The following LAMC2 variants were observed in gnomAD, a reference collection of about 807,000 sequenced individuals.
LAMC2 encodes laminin subunit gamma-2.
Under a neutral mutation model 140.2 loss-of-function variants are expected in LAMC2, and 97 were observed. The observed-to-expected ratio is 0.69, with a 90% CI of 0.59 to 0.82. The LOEUF is 0.82. LAMC2 is among the 40% of genes least tolerant of loss of function. The pLI is 0.00. For missense variants in LAMC2, 1,402 were observed against 1,476.1 expected (o/e 0.95, Z 0.82); for synonymous variants, 513 against 540.2 (o/e 0.95, Z 0.70).
At chr1:183,189,475 T>G (rs1256664865) in intron 1 of LAMC2, among the ~76,000 whole-genome samples, 2 of 152,128 alleles carry the variant, frequency 1.3e-5, no homozygotes, top group Non-Finnish European at 2.9e-5. Flanking sequence ...GAGGCTACAG[T>G]GAGCTGAGAT....
intron 20 of LAMC2, 76 bp downstream of exon 20, chr1:183,239,639 G>A (rs554211394): frequency 7.5e-7 from 1 of 1,328,204 alleles, no homozygotes; most frequent in African/African-American, 1.5e-5. Flanking sequence ...AAAGAACATT[G>A]AGCTTATTTT....
At chr1:183,247,183 G>A (rs1467862406), downstream of LAMC2, among the ~76,000 whole-genome samples, 4 of 152,004 alleles carry the variant, frequency 2.6e-5, no homozygotes, top group African/African-American at 7.3e-5. Context: ...ATGGTGGCAG[G>A]CGCCTGTAAT....
chr1:183,256,381 C>T, the LAMC2 span, among the ~76,000 whole-genome samples: 2 of 151,884 alleles, frequency 1.3e-5, no homozygotes, highest in Admixed American at 6.6e-5. Context: ...TGCACTCCAG[C>T]CTGGGTGACA....
chr1:183,197,494 G>A (rs923489058), intron 1 of LAMC2, among the ~76,000 whole-genome samples: 2 of 152,102 alleles, frequency 1.3e-5, no homozygotes, highest in African/African-American at 4.8e-5. Context: ...GGCAAACAAG[G>A]TGAAACCCTG....
intron 1 of LAMC2, among the ~76,000 whole-genome samples, chr1:183,206,441 T>G (rs1658886631): frequency 6.6e-6 from 1 of 152,094 alleles, no homozygotes; most frequent in African/African-American, 2.4e-5. Flanking sequence ...GTCAGGAGTT[T>G]GAGACCAGCC....
intron 20 of LAMC2, chr1:183,239,820 T>C: frequency 1.5e-6 from 1 of 655,090 alleles, no homozygotes; most frequent in African/African-American, 1.8e-5. Context: ...AGAGAAGCAC[T>C]GTCTGGCCGC....
At chr1:183,207,782 G>A in intron 1 of LAMC2, 99 bp from the exon 2 acceptor site, 1 of 1,031,310 alleles carries the variant, frequency 9.7e-7, no homozygotes, top group South Asian at 1.3e-5. Context: ...TAGTACTCAT[G>A]CATAATTTCT....
At chr1:183,214,999 T>C (rs968055043) in intron 2 of LAMC2, among the ~76,000 whole-genome samples, 4 of 152,178 alleles carry the variant, frequency 2.6e-5, no homozygotes, top group Non-Finnish European at 5.9e-5. Flanking sequence ...TTAATAGCCC[T>C]TTTTATGCTC....
At position 183,243,116 on chromosome 1, in the gene LAMC2, A is replaced by G. The variant is rs777989846; in HGVS notation, c.3329-31A>G. 67 of 1,613,408 alleles carry G rather than the reference A, an allele frequency of 4.2e-5. No individual in the cohort carries two copies. The Admixed American group carries it at 6.3e-4, about 15-fold the overall frequency. ...AAGGAGATCTAACTACAGCTTTTCTATGTTAACTTGTGTCTCATTCCTTGA... is the reference window on the plus strand; with the variant it reads ...AAGGAGATCTAACTACAGCTTTTCTGTGTTAACTTGTGTCTCATTCCTTGA... On this transcript the variant is annotated intron_variant, in intron 22 of 22. Coordinates refer to ENST00000264144, the MANE Select transcript of LAMC2 (RefSeq NM_005562.3).
At chr1:183,238,193 C>A in intron 18 of LAMC2, 114 bp from the exon 19 acceptor site, 1 of 780,500 alleles carries the variant, frequency 1.3e-6, no homozygotes, top group Admixed American at 2.0e-5. Flanking sequence ...CTACAGCACC[C>A]CTAGACTCTG....
chr1:183,230,151 C>T (rs1170661690), intron 11 of LAMC2, among the ~76,000 whole-genome samples: 1 of 152,156 alleles, frequency 6.6e-6, no homozygotes, highest in Non-Finnish European at 1.5e-5. Context: ...ACTGGCTTTA[C>T]ACCACACATT....
At chr1:183,189,964 G>A (rs971494502) in intron 1 of LAMC2, among the ~76,000 whole-genome samples, 1 of 152,166 alleles carries the variant, frequency 6.6e-6, no homozygotes, top group Admixed American at 6.5e-5. Context: ...TGGATAGTAG[G>A]AAGGATCCTT....
chr1:183,193,060 C>T (rs1658397193), intron 1 of LAMC2, among the ~76,000 whole-genome samples: 1 of 152,232 alleles, frequency 6.6e-6, no homozygotes. Flanking sequence ...CTACTGTTGA[C>T]ATACCACCTG....
intron 15 of LAMC2, among the ~76,000 whole-genome samples, chr1:183,235,093 G>GTT (rs138600192): frequency 6.6e-6 from 1 of 151,956 alleles, no homozygotes; most frequent in South Asian, 2.1e-4. Flanking sequence ...GTTTCTTTGG[G>GTT]TTTTTTTTAA....
At chr1:183,240,446 C>G in intron 22 of LAMC2, 55 bp downstream of exon 22, 1 of 1,607,742 alleles carries the variant, frequency 6.2e-7, no homozygotes. Flanking sequence ...GGCTTTGCTC[C>G]AGAACACTCA....
intron 1 of LAMC2, 94 bp from the exon 2 acceptor site, chr1:183,207,787 A>G (rs1658935157): frequency 1.8e-6 from 2 of 1,098,874 alleles, no homozygotes; most frequent in Non-Finnish European, 2.8e-6. Flanking sequence ...CTCATGCATA[A>G]TTTCTATCAA....
chr1:183,215,326 A>C, intron 2 of LAMC2, 127 bp from the exon 3 acceptor site: 4 of 1,033,700 alleles, frequency 3.9e-6, no homozygotes, highest in Non-Finnish European at 5.9e-6. Flanking sequence ...GTGACTGTTA[A>C]AAGCAGCAGA....
chr1:183,210,311 C>T (rs1659033142), intron 2 of LAMC2, among the ~76,000 whole-genome samples: 1 of 152,152 alleles, frequency 6.6e-6, no homozygotes, highest in Non-Finnish European at 1.5e-5. Context: ...TGGGCAGGTT[C>T]CTTAACCTCT....
chr1:183,232,304 G>A lies in LAMC2; in HGVS notation c.1975G>A (p.Ala659Thr), dbSNP rs762186025. The change falls in exon 13 of 23, where the codon GCC becomes ACC. Residue 659 changes from alanine (A) to threonine (T), a missense_variant. Coordinates refer to ENST00000264144, the MANE Select transcript of LAMC2 (RefSeq NM_005562.3). Reference protein sequence around the residue: ...LEGRMQQAEQALQDILRDAQI... With the variant: ...LEGRMQQAEQTLQDILRDAQI... Reference sequence around the variant, plus strand: ...AGGCAGGATGCAGCAGGCTGAGCAGGCCCTTCAGGACATTCTGAGAGATGC... The same window carrying A: ...AGGCAGGATGCAGCAGGCTGAGCAGACCCTTCAGGACATTCTGAGAGATGC... 6.2e-7 allele frequency: 1 copy of A among 1,614,064 alleles called. No individual in the cohort carries two copies. The highest frequency in any genetic ancestry group is 8.5e-7 in the Non-Finnish European group (1 of 1,180,034).
Sources: allele counts gnomAD v4.1 joint callset (sites outside exome capture counted in the v4.1 genomes callset), GRCh38; gene constraint gnomAD v4.1.1; transcripts MANE v1.5; gene names NCBI Gene and HGNC (gene_info 2026-07-23, HGNC 2026-07-21).